The following ZNF234 variants were observed in gnomAD, a reference collection of about 807,000 sequenced individuals.
The protein encoded by ZNF234 is C2-H2 type zinc finger protein.
ZNF234 carries 4 observed loss-of-function variants against 10.3 expected under a neutral mutation model. The ratio of observed to expected loss-of-function variants is 0.39; its 90% CI spans 0.19 to 0.89. The LOEUF (loss-of-function observed/expected upper bound fraction) is 0.89, where lower values mean the gene tolerates loss of function less well. Ranked by LOEUF, ZNF234 falls within the 40% of genes least tolerant of loss-of-function variation. ZNF234 has a pLI of 0.38. For synonymous variants in ZNF234, 258 were observed against 280.1 expected, an observed-to-expected ratio of 0.92 and a Z score of 0.79; for missense variants, 711 against 836.1, an observed-to-expected ratio of 0.85 and a Z score of 1.85.
chr19:44,147,560 G>A (rs377659916), intron 3 of ZNF234, among the ~76,000 whole-genome samples: 65 of 151,858 alleles, frequency 4.3e-4, no homozygotes, highest in African/African-American at 1.4e-3. Flanking sequence ...AAATACACAC[G>A]AAGGTAAGAT....
intron 3 of ZNF234, 124 bp from the exon 4 acceptor site, chr19:44,148,647 A>C (rs1968659646): frequency 7.4e-7 from 1 of 1,355,254 alleles, no homozygotes; most frequent in Non-Finnish European, 1.1e-6. Flanking sequence ...AGGGCTGAGA[A>C]ATCTACACAT....
rs1386837427 is a variant in ZNF234, at chr19:44,156,625, C to T, written c.609C>T (p.Cys203=). The T allele has an allele frequency of 6.2e-7, 1 of 1,613,938 alleles. No homozygotes were observed. Among genetic ancestry groups the T allele is most frequent in the Non-Finnish European group, 8.5e-7 (1 of 1,179,996 alleles). Residue 203 remains cysteine, a synonymous_variant, in exon 6 of 6, where the codon TGC becomes TGT. Transcript: ENST00000426739. ...IHQRVHMGEK[C]YKCDVCGKEF... The stretch of plus-strand genomic sequence containing the variant: ...AAAGAGTCCACATGGGAGAGAAATG[C>T]TATAAGTGTGACGTGTGTGGTAAGG...
intron 3 of ZNF234, among the ~76,000 whole-genome samples, chr19:44,146,891 C>G (rs1445431638): frequency 1.4e-5 from 2 of 141,614 alleles, no homozygotes; most frequent in Admixed American, 7.8e-5. Flanking sequence ...TCACGGCTCA[C>G]TGCAACCTAT....
In ZNF234 at chr19:44,157,873, A is replaced by T. The variant is rs1382786346; in HGVS notation, c.1857A>T (p.Thr619=). 5 of 1,614,056 alleles carry T rather than the reference A, an allele frequency of 3.1e-6. No individual in the cohort carries two copies. Among genetic ancestry groups the T allele is most frequent in the Non-Finnish European group, 4.2e-6 (5 of 1,180,028 alleles). ...TCCAACTTCATCAGAGTGTCCACAC[A>T]GGAGAGAAACCATACAAATGTGATG... The part of the protein sequence containing the change: ...SSLQLHQSVH[T]GEKPYKCDVC... The change falls in exon 6 of 6, where the codon ACA becomes ACT. Residue 619 remains threonine, a synonymous_variant. Coordinates refer to ENST00000426739, the MANE Select transcript of ZNF234 (RefSeq NM_006630.3).
chr19:44,157,468 C>T lies in ZNF234; in HGVS notation c.1452C>T (p.Tyr484=). The T allele has an allele frequency of 6.2e-7, 1 of 1,613,974 alleles. No individual in the cohort carries two copies. Among genetic ancestry groups the T allele is most frequent in the Non-Finnish European group, 8.5e-7 (1 of 1,179,904 alleles). The change falls in exon 6 of 6, where the codon TAC becomes TAT. Residue 484 remains tyrosine, a synonymous_variant. Coordinates refer to ENST00000426739, the MANE Select transcript of ZNF234 (RefSeq NM_006630.3). ...TGATCCATACCGGTGAGAAACCATA[C>T]AAATGTGAAGAGTGCGGAAAGGGAT... is the stretch of plus-strand genomic sequence containing the variant. ...HQLIHTGEKP[Y]KCEECGKGFS...
At chr19:44,145,534 A>G (rs927584821) in intron 3 of ZNF234, among the ~76,000 whole-genome samples, 1 of 152,178 alleles carries the variant, frequency 6.6e-6, no homozygotes, top group African/African-American at 2.4e-5. Flanking sequence ...CTGGGATTAC[A>G]GGCATGTGCC....
In ZNF234 at chr19:44,159,467, C is replaced by T. The variant is rs906425336; in HGVS notation, c.*1348C>T. ...TAAATTACAGGCGTAAGCCACCACA[C>T]CCGGCCAAGTTGAAGTATATTTTGT... On this transcript the variant is annotated 3_prime_UTR_variant, in exon 6 of 6. Transcript: ENST00000426739. 1 of 309,284 alleles carries T rather than the reference C, an allele frequency of 3.2e-6. No individual in the cohort carries two copies. The highest frequency in any genetic ancestry group is 2.7e-5 in the South Asian group (1 of 37,138). 19.2% of individuals were successfully genotyped at this position (309,284 alleles called of 1,614,324 possible). A position where few individuals can be genotyped will look rare whatever the true frequency, so the allele number is the denominator to read the frequency against.
rs183745875 is a variant in ZNF234 at position 44,143,465 on chromosome 19, C to T, written c.-76-1092C>T. On this transcript the variant is annotated intron_variant, in intron 2 of 5. Coordinates refer to ENST00000426739, the MANE Select transcript of ZNF234 (RefSeq NM_006630.3). ...TCTACTAAAAATACAAAAAATTAGCCGGGCGTGTTGGCGGGCACCTGTAGT... is the reference window on the plus strand; with the variant it reads ...TCTACTAAAAATACAAAAAATTAGCTGGGCGTGTTGGCGGGCACCTGTAGT... Among the ~76,000 whole-genome samples, 570 of 151,644 alleles carry T rather than the reference C, an allele frequency of 3.8e-3. 1 individual carries two copies. The highest frequency in any genetic ancestry group is 0.013 in the African/African-American group (550 of 41,502).
rs559039303 is a variant in ZNF234, at chr19:44,147,352, T to G, written c.16-1419T>G. 2.0e-5 allele frequency among the ~76,000 whole-genome samples: 3 copies of G among 152,182 alleles called. No homozygotes were observed. In the East Asian group the frequency reaches 5.9e-4, roughly 30 times the overall value. On this transcript the variant is annotated intron_variant, in intron 3 of 5. Coordinates refer to ENST00000426739, the MANE Select transcript of ZNF234 (RefSeq NM_006630.3). ...CCTGGGCTCAAGCAATTCTCTCGCCTCAGCCTCCTGAGTACCTGGGACCAC... is the reference window on the plus strand; with the variant it reads ...CCTGGGCTCAAGCAATTCTCTCGCCGCAGCCTCCTGAGTACCTGGGACCAC...
chr19:44,148,911 C>T lies in ZNF234; in HGVS notation c.142+14C>T. On this transcript the variant is annotated intron_variant, in intron 4 of 5. Coordinates refer to ENST00000426739, the MANE Select transcript of ZNF234 (RefSeq NM_006630.3). Reference sequence around the variant, plus strand: ...TGCTGTCAGTGGGTGAGGACATGAGCTTTCTAACACTCAATGTCAGTCTCT... The same window carrying T: ...TGCTGTCAGTGGGTGAGGACATGAGTTTTCTAACACTCAATGTCAGTCTCT... The T allele has an allele frequency of 1.2e-6, 2 of 1,609,272 alleles. No individual in the cohort carries two copies. Among genetic ancestry groups the T allele is most frequent in the African/African-American group, 1.3e-5 (1 of 74,848 alleles).
intron 5 of ZNF234, among the ~76,000 whole-genome samples, chr19:44,154,631 T>TTC (rs376422774): frequency 0.32 from 35,399 of 109,064 alleles, 4,516 homozygotes; most frequent in African/African-American, 0.56. Flanking sequence ...TCTTTTTCTT[T>TTC]TTTTTTTTTT....
chr19:44,147,981 C>T (rs550765516), intron 3 of ZNF234, among the ~76,000 whole-genome samples: 1 of 152,286 alleles, frequency 6.6e-6, no homozygotes, highest in South Asian at 2.1e-4. Context: ...ATGCAGATTT[C>T]AGTTCCCTCG....
chr19:44,148,713 C>G, intron 3 of ZNF234, 58 bp from the exon 4 acceptor site: 1 of 1,606,816 alleles, frequency 6.2e-7, no homozygotes, highest in Non-Finnish European at 8.5e-7. Flanking sequence ...TTTCTCAGTG[C>G]TGTTTCTTTT....
intron 3 of ZNF234, among the ~76,000 whole-genome samples, chr19:44,145,020 G>C (rs1349818371): frequency 6.6e-6 from 1 of 152,146 alleles, no homozygotes; most frequent in African/African-American, 2.4e-5. Flanking sequence ...TTTTAGATAA[G>C]GGACTTGAGC....
At chr19:44,143,392 G>A (rs1298028261) in intron 2 of ZNF234, among the ~76,000 whole-genome samples, 1 of 152,020 alleles carries the variant, frequency 6.6e-6, no homozygotes, top group South Asian at 2.1e-4. Flanking sequence ...GGCGGATCAC[G>A]AGGTCAGGAG....
At chr19:44,150,361 C>T in intron 4 of ZNF234, 52 bp from the exon 5 acceptor site, 1 of 1,435,596 alleles carries the variant, frequency 7.0e-7, no homozygotes, top group Non-Finnish European at 9.5e-7. Context: ...CCAGTAAGTT[C>T]AGTTGTACCT....
chr19:44,146,381 C>A (rs1968592503), intron 3 of ZNF234, among the ~76,000 whole-genome samples: 1 of 152,076 alleles, frequency 6.6e-6, no homozygotes, highest in South Asian at 2.1e-4. Flanking sequence ...GTTCTAGATC[C>A]CTGAGGAATC....
chr19:44,148,859 A>T lies in ZNF234; in HGVS notation c.104A>T (p.Asp35Val). The change falls in exon 4 of 6, where the codon GAT (aspartate) becomes GTT (valine). Residue 35 changes from aspartate (D) to valine (V), a missense_variant. Transcript: ENST00000426739. Reference protein sequence around the residue: ...LDPVQRNLYQDVMLENFRNLL... With the variant: ...LDPVQRNLYQVVMLENFRNLL... ...CCTGTCCAGAGGAATCTGTACCAAG[A>T]TGTGATGCTGGAGAACTTCAGGAAC... 6.2e-7 allele frequency: 1 copy of T among 1,613,970 alleles called. No homozygotes were observed. The highest frequency in any genetic ancestry group is 8.5e-7 in the Non-Finnish European group (1 of 1,179,886).
At chr19:44,144,190 T>C (rs1313685822) in intron 2 of ZNF234, among the ~76,000 whole-genome samples, 3 of 152,138 alleles carry the variant, frequency 2.0e-5, no homozygotes, top group African/African-American at 7.2e-5. Flanking sequence ...TAAATCCCCA[T>C]CAACAAGTAA....
Sources: gnomAD v4.1 joint callset for allele counts (sites outside exome capture counted in the v4.1 genomes callset) on GRCh38, gnomAD v4.1.1 for gene constraint, MANE v1.5 for transcripts, NCBI Gene and HGNC (gene_info 2026-07-23, HGNC 2026-07-21) for gene names.